BNC2: variants seen among roughly 807,000 people sequenced by gnomAD.
BNC2 encodes the protein zinc finger protein basonuclin-2.
BNC2 carries 20 observed loss-of-function variants against 76.3 expected under a neutral mutation model. The observed-to-expected ratio is 0.26, with a 90% CI of 0.18 to 0.38. The LOEUF (loss-of-function observed/expected upper bound fraction) is 0.38, where lower values mean the gene tolerates loss of function less well. BNC2 is among the 10% of genes least tolerant of loss of function. BNC2 has a pLI of 1.00. For synonymous variants in BNC2, 582 were observed against 514.8 expected (o/e 1.13, Z -1.77); for missense variants, 1,382 against 1,399.8 (o/e 0.99, Z 0.20).
intron 3 of BNC2, among the ~76,000 whole-genome samples, chr9:16,665,434 A>AAAAG (rs56038950): frequency 0.16 from 18,891 of 115,900 alleles, 1,764 homozygotes; most frequent in Middle Eastern, 0.21. Context: ...GAAAGGAAAG[A>AAAAG]AAAGAAAGAA....
At chr9:16,452,131 A>T (rs1821353237) in intron 5 of BNC2, among the ~76,000 whole-genome samples, 1 of 152,220 alleles carries the variant, frequency 6.6e-6, no homozygotes, top group Non-Finnish European at 1.5e-5. Flanking sequence ...GGTGAAGAAC[A>T]AGTTAAGAAT....
chr9:16,561,703 TTATTA>T (rs1819021295), intron 4 of BNC2, among the ~76,000 whole-genome samples: 2 of 152,202 alleles, frequency 1.3e-5, no homozygotes, highest in African/African-American at 4.8e-5. Context: ...CACAATTTGA[TTATTA>T]AAAGAATTAA....
chr9:16,463,159 C>G (rs7043935), intron 5 of BNC2, among the ~76,000 whole-genome samples: 77,677 of 151,946 alleles, frequency 0.51, 21,213 homozygotes, highest in East Asian at 0.69. Flanking sequence ...GATCATCTCA[C>G]AGAAAATGAG....
At chr9:16,614,321 T>C (rs1820634937) in intron 3 of BNC2, among the ~76,000 whole-genome samples, 1 of 152,106 alleles carries the variant, frequency 6.6e-6, no homozygotes, top group Non-Finnish European at 1.5e-5. Context: ...GTCTTACTCA[T>C]CACAGCCTCC....
At chr9:16,776,208 CG>C (rs33979633) in intron 1 of BNC2, among the ~76,000 whole-genome samples, 45,582 of 151,990 alleles carry the variant, frequency 0.3, 9,409 homozygotes, top group East Asian at 0.62. Flanking sequence ...GGAACCATCT[CG>C]GGCTCACTGC....
intron 3 of BNC2, among the ~76,000 whole-genome samples, chr9:16,625,104 C>T (rs1820957156): frequency 2.0e-5 from 3 of 152,154 alleles, no homozygotes; most frequent in Admixed American, 6.6e-5. Context: ...ATCAAAACCC[C>T]TTTGCTTTTC....
intron 4 of BNC2, among the ~76,000 whole-genome samples, chr9:16,581,586 C>T (rs1387552305): frequency 6.6e-6 from 1 of 152,158 alleles, no homozygotes; most frequent in Non-Finnish European, 1.5e-5. Context: ...ATGAAACCAA[C>T]CCTGCCAACA....
intron 1 of BNC2, among the ~76,000 whole-genome samples, chr9:16,829,687 G>T (rs550099731): frequency 1.2e-4 from 19 of 152,118 alleles, no homozygotes; most frequent in Non-Finnish European, 2.5e-4. Context: ...TTAACGCACA[G>T]TAGGCACTTG....
At chr9:16,833,723 G>C (rs1238948091) in intron 1 of BNC2, among the ~76,000 whole-genome samples, 2 of 152,098 alleles carry the variant, frequency 1.3e-5, no homozygotes, top group African/African-American at 4.8e-5. Context: ...CACTCCAAAG[G>C]GAATGACGGG....
At chr9:16,632,130 C>G (rs113468549) in intron 3 of BNC2, among the ~76,000 whole-genome samples, 3 of 152,292 alleles carry the variant, frequency 2.0e-5, no homozygotes, top group African/African-American at 7.2e-5. Flanking sequence ...AATGCTCAGT[C>G]TCCTTACTCC....
chr9:16,662,762 T>A (rs886149494), intron 3 of BNC2, among the ~76,000 whole-genome samples: 1 of 151,922 alleles, frequency 6.6e-6, no homozygotes, highest in Non-Finnish European at 1.5e-5. Context: ...AGAGAAAATA[T>A]CCTACCTAAA....
chr9:16,730,638 A>C (rs1397804232), intron 2 of BNC2, among the ~76,000 whole-genome samples: 1 of 152,184 alleles, frequency 6.6e-6, no homozygotes, highest in African/African-American at 2.4e-5. Flanking sequence ...CAGTCTTCTG[A>C]CAAAATGCTA....
intron 5 of BNC2, among the ~76,000 whole-genome samples, chr9:16,500,190 TCTC>T (rs1343552244): frequency 6.6e-6 from 1 of 151,888 alleles, no homozygotes; most frequent in Non-Finnish European, 1.5e-5. Context: ...TCAAGACTAT[TCTC>T]CTCACCATTC....
chr9:16,419,465 C>T lies in BNC2; in HGVS notation c.2824G>A (p.Glu942Lys). The change falls in exon 7 of 7, where the codon GAA (glutamate) becomes AAA (lysine). Residue 942 changes from glutamate to lysine, a missense_variant. Coordinates refer to ENST00000380672, the MANE Select transcript of BNC2 (RefSeq NM_017637.6). The stretch of plus-strand genomic sequence containing the variant: ...CCATACCCGTTCAGGTGGGAGTCTT[C>T]AGTCCCTGCGGGAGAGGAGGCGTCT... ...REDASSPAGT[E>K]DSHLNGYGRG... is the part of the protein sequence containing the mutation. The T allele has an allele frequency of 1.2e-6, 2 of 1,613,796 alleles. No individual in the cohort carries two copies. Among genetic ancestry groups the T allele is most frequent in the African/African-American group, 1.3e-5 (1 of 75,032 alleles).
rs188498586 is a variant in BNC2, at chr9:16,619,274, G to C, written c.331-36189C>G. 2.1e-3 allele frequency among the ~76,000 whole-genome samples: 322 copies of C among 151,772 alleles called. 2 individuals are homozygous for C. Among genetic ancestry groups the C allele is most frequent in the African/African-American group, 6.9e-3 (287 of 41,406 alleles). ...CAAGAATACGAAAGAAGGGAGCAAG[G>C]AGAAAATTCAAACCCAACATAATGC... On this transcript the variant is annotated intron_variant, in intron 3 of 6. Transcript: ENST00000380672.
chr9:16,674,984 A>T (rs894167281), intron 3 of BNC2, among the ~76,000 whole-genome samples: 40 of 152,200 alleles, frequency 2.6e-4, no homozygotes, highest in Admixed American at 2.6e-3. Context: ...ATTCTAAACT[A>T]ACTGACACTA....
At chr9:16,467,596 A>T (rs1381675809) in intron 5 of BNC2, among the ~76,000 whole-genome samples, 1 of 139,826 alleles carries the variant, frequency 7.2e-6, no homozygotes, top group Admixed American at 7.3e-5. Context: ...AAAACCAAAC[A>T]CCGCATATTC....
chr9:16,616,141 C>T (rs1390996249), intron 3 of BNC2, among the ~76,000 whole-genome samples: 2 of 152,118 alleles, frequency 1.3e-5, no homozygotes, highest in African/African-American at 2.4e-5. Context: ...AATCTCAGCA[C>T]TTTGGGAGGC....
chr9:16,519,878 G>A (rs1301482967), intron 5 of BNC2, among the ~76,000 whole-genome samples: 1 of 152,150 alleles, frequency 6.6e-6, no homozygotes, highest in East Asian at 1.9e-4. Context: ...TAGAACTAAA[G>A]GAGTTATGTT....
Sources: allele counts gnomAD v4.1 joint callset (sites outside exome capture counted in the v4.1 genomes callset), GRCh38; gene constraint gnomAD v4.1.1; transcripts MANE v1.5; gene names NCBI Gene and HGNC (gene_info 2026-07-23, HGNC 2026-07-21).